The following CAP2 variants were observed in gnomAD, a reference collection of about 807,000 sequenced individuals.
CAP2 encodes the protein cyclase associated actin cytoskeleton regulatory protein 2.
Under a neutral mutation model 57.7 loss-of-function variants are expected in CAP2, and 24 were observed. The ratio of observed to expected loss-of-function variants is 0.42; its 90% CI spans 0.30 to 0.58. The LOEUF (loss-of-function observed/expected upper bound fraction) is 0.58, where lower values mean the gene tolerates loss of function less well. CAP2 is among the 20% of genes least tolerant of loss of function. The pLI is 0.22. For missense variants in CAP2, 501 were observed against 590.3 expected (o/e 0.85, Z 1.57); for synonymous variants, 194 against 207.2 (o/e 0.94, Z 0.55).
intron 1 of CAP2, among the ~76,000 whole-genome samples, chr6:17,395,035 A>G (rs775349346): frequency 2.2e-4 from 33 of 152,242 alleles, no homozygotes; most frequent in Non-Finnish European, 1.6e-4. Context: ...TCTTAATAAC[A>G]TTACAATCAA....
chr6:17,403,267 A>T (rs1581487486), intron 1 of CAP2, among the ~76,000 whole-genome samples: 1 of 152,142 alleles, frequency 6.6e-6, no homozygotes, highest in African/African-American at 2.4e-5. Flanking sequence ...ATGCCCGGCT[A>T]ATTTTTTGTA....
chr6:17,475,762 G>A (rs1761138697), intron 4 of CAP2, among the ~76,000 whole-genome samples: 1 of 152,204 alleles, frequency 6.6e-6, no homozygotes, highest in African/African-American at 2.4e-5. Flanking sequence ...CATGTAAATT[G>A]TGGAAAACGG....
At chr6:17,480,773 GTTT>G (rs79702682) in intron 4 of CAP2, among the ~76,000 whole-genome samples, 4 of 136,396 alleles carry the variant, frequency 2.9e-5, no homozygotes, top group Admixed American at 7.4e-5. Flanking sequence ...GGTTTTTTTG[GTTT>G]TTTTTTTTTT....
intron 3 of CAP2, among the ~76,000 whole-genome samples, chr6:17,436,308 T>C (rs1378055028): frequency 6.6e-6 from 1 of 151,996 alleles, no homozygotes; most frequent in East Asian, 1.9e-4. Flanking sequence ...TTCTTTTGTG[T>C]TTTTAGTAGA....
chr6:17,540,447 TA>T (rs372796164), intron 8 of CAP2, among the ~76,000 whole-genome samples: 4,638 of 134,284 alleles, frequency 0.035, 75 homozygotes, highest in African/African-American at 0.064. Flanking sequence ...TTCCTCAAAT[TA>T]AAAAAAAAAA....
chr6:17,447,533 C>T (rs781185023), intron 3 of CAP2, among the ~76,000 whole-genome samples: 2 of 152,218 alleles, frequency 1.3e-5, no homozygotes, highest in Non-Finnish European at 2.9e-5. Flanking sequence ...GAGTCTTGCT[C>T]TGTCGCTCAG....
chr6:17,463,053 C>G lies in CAP2; in HGVS notation c.280C>G (p.Gln94Glu). Residue 94 changes from glutamine (Q) to glutamate (E), a missense_variant, in exon 4 of 13, where the codon CAG (glutamine) becomes GAG (glutamate). Physicochemically the swap from Gln to Glu is conservative, Grantham distance 29 (BLOSUM62 2). Transcript: ENST00000229922. ...AQRAFLLMASQYQQPHENDVA... is the reference protein window; with the variant it reads ...AQRAFLLMASEYQQPHENDVA... The stretch of plus-strand genomic sequence containing the variant: ...GCGGGCTTTCCTTCTGATGGCCTCT[C>G]AGTACCAACAACCCCACGAGGTAAG... 1 of 1,613,550 alleles carries G rather than the reference C, an allele frequency of 6.2e-7. No homozygotes were observed. The highest frequency in any genetic ancestry group is 8.5e-7 in the Non-Finnish European group (1 of 1,179,502).
intron 4 of CAP2, among the ~76,000 whole-genome samples, chr6:17,489,204 C>T (rs114602604): frequency 0.013 from 2,014 of 152,246 alleles, 26 homozygotes; most frequent in Non-Finnish European, 0.02. Flanking sequence ...GAGGCTAAGG[C>T]GGGCACATCA....
chr6:17,394,380 G>T (rs1758619787), intron 1 of CAP2, among the ~76,000 whole-genome samples: 1 of 152,136 alleles, frequency 6.6e-6, no homozygotes, highest in South Asian at 2.1e-4. Context: ...GGGTGTTCGT[G>T]GAAGTAGCCG....
At chr6:17,499,136 C>T (rs149838393) in intron 4 of CAP2, among the ~76,000 whole-genome samples, 3 of 152,054 alleles carry the variant, frequency 2.0e-5, no homozygotes, top group East Asian at 3.9e-4. Flanking sequence ...TGGTGGCTCA[C>T]GCCTGTAATC....
At chr6:17,425,871 G>A (rs1040354536) in intron 2 of CAP2, among the ~76,000 whole-genome samples, 1 of 152,146 alleles carries the variant, frequency 6.6e-6, no homozygotes, top group South Asian at 2.1e-4. Flanking sequence ...AAGGTGGGCC[G>A]ATCACTTGAG....
At chr6:17,540,344 C>T (rs971324419) in intron 8 of CAP2, among the ~76,000 whole-genome samples, 3 of 151,972 alleles carry the variant, frequency 2.0e-5, no homozygotes, top group South Asian at 4.2e-4. Context: ...ATGATTTAGC[C>T]GTAAGAGAAG....
chr6:17,410,806 G>A (rs573563872), intron 1 of CAP2, among the ~76,000 whole-genome samples: 11 of 152,204 alleles, frequency 7.2e-5, no homozygotes, highest in African/African-American at 1.4e-4. Flanking sequence ...TGATCTGCCC[G>A]CTTCGGCCTC....
At chr6:17,529,922 G>A (rs545695747) in intron 7 of CAP2, among the ~76,000 whole-genome samples, 1 of 151,994 alleles carries the variant, frequency 6.6e-6, no homozygotes, top group Non-Finnish European at 1.5e-5. Flanking sequence ...GGGAGGCCAA[G>A]GTGGGAGGCT....
At chr6:17,404,604 CAA>C (rs71536725) in intron 1 of CAP2, among the ~76,000 whole-genome samples, 57 of 127,472 alleles carry the variant, frequency 4.5e-4, no homozygotes, top group African/African-American at 5.9e-4. Flanking sequence ...GACTCCATCT[CAA>C]AAAAAAAAAA....
At chr6:17,521,496 G>A (rs1180245043) in intron 7 of CAP2, among the ~76,000 whole-genome samples, 1 of 152,166 alleles carries the variant, frequency 6.6e-6, no homozygotes, top group Non-Finnish European at 1.5e-5. Context: ...GTTGGAAGTG[G>A]CTGTGAGTTC....
intron 4 of CAP2, among the ~76,000 whole-genome samples, chr6:17,481,444 C>G (rs1761283807): frequency 1.9e-5 from 1 of 52,908 alleles, no homozygotes; most frequent in South Asian, 6.3e-4. Flanking sequence ...TTCTAGGAAA[C>G]AAAAAAAACT....
intron 1 of CAP2, among the ~76,000 whole-genome samples, chr6:17,402,319 C>G (rs920007137): frequency 6.6e-5 from 10 of 152,246 alleles, no homozygotes; most frequent in Admixed American, 5.2e-4. Flanking sequence ...TAGTAAATTG[C>G]TTTGCCCAAG....
chr6:17,397,694 C>CAAAAAAAA (rs554131865), intron 1 of CAP2, among the ~76,000 whole-genome samples: 5 of 70,596 alleles, frequency 7.1e-5, no homozygotes, highest in Non-Finnish European at 1.1e-4. Context: ...GACTCCATAT[C>CAAAAAAAA]AAAAAAAAAA....
Sources: allele counts gnomAD v4.1 joint callset (sites outside exome capture counted in the v4.1 genomes callset), GRCh38; gene constraint gnomAD v4.1.1; transcripts MANE v1.5; gene names NCBI Gene and HGNC (gene_info 2026-07-23, HGNC 2026-07-21).